CRACR2A: variants seen among roughly 807,000 people sequenced by gnomAD.
CRACR2A encodes calcium release activated channel regulator 2A.
Under a neutral mutation model 90.5 loss-of-function variants are expected in CRACR2A, and 79 were observed. That is an observed-to-expected ratio of 0.87 (90% CI 0.73 to 1.05). The LOEUF is 1.05. Ranked by LOEUF, CRACR2A falls within the 50% of genes least tolerant of loss-of-function variation. CRACR2A has a pLI of 0.00. For missense variants in CRACR2A, 823 were observed against 897.2 expected (o/e 0.92, Z 1.06); for synonymous variants, 338 against 356.7 (o/e 0.95, Z 0.59).
chr12:3,632,052 G>C (rs538864937), intron 15 of CRACR2A, among the ~76,000 whole-genome samples: 3 of 152,224 alleles, frequency 2.0e-5, no homozygotes, highest in African/African-American at 7.2e-5. Context: ...CTGGATCATG[G>C]GGGTGGATCC....
At chr12:3,689,895 G>A (rs1945624507) in intron 4 of CRACR2A, among the ~76,000 whole-genome samples, 1 of 151,886 alleles carries the variant, frequency 6.6e-6, no homozygotes, top group Admixed American at 6.6e-5. Flanking sequence ...TATATGTCCA[G>A]GAATTTATCA....
chr12:3,723,718 G>A (rs183888754), intron 2 of CRACR2A, among the ~76,000 whole-genome samples: 1 of 152,220 alleles, frequency 6.6e-6, no homozygotes, highest in Admixed American at 6.5e-5. Context: ...GTTCTTGTAG[G>A]CAGGAGGATG....
chr12:3,701,376 T>A (rs1239970019), intron 3 of CRACR2A, among the ~76,000 whole-genome samples: 2 of 151,520 alleles, frequency 1.3e-5, no homozygotes, highest in Admixed American at 1.3e-4. Flanking sequence ...AAAAATGAAA[T>A]AGAAAGCAGA....
chr12:3,642,777 C>T (rs1206588576), intron 12 of CRACR2A, among the ~76,000 whole-genome samples: 1 of 152,010 alleles, frequency 6.6e-6, no homozygotes, highest in Non-Finnish European at 1.5e-5. Context: ...GTTTACAACC[C>T]CCTTTGCCTA....
At position 3,648,569 on chromosome 12, in the gene CRACR2A, C is replaced by T; in HGVS notation, c.1091G>A (p.Gly364Glu). The T allele has an allele frequency of 6.2e-7, 1 of 1,614,166 alleles. No homozygotes were observed. The highest frequency in any genetic ancestry group is 1.1e-5 in the South Asian group (1 of 91,078). ...VTESLQREKA[G>E]LLKQLDFLRE... is the part of the protein sequence containing the mutation. Reference sequence around the variant, plus strand: ...TAGGAAATCCAGCTGCTTGAGGAGCCCGGCCTTCTCACGCTGTAGACTCTC... The same window carrying T: ...TAGGAAATCCAGCTGCTTGAGGAGCTCGGCCTTCTCACGCTGTAGACTCTC... The change falls in exon 11 of 20, where the codon GGG (glycine) becomes GAG (glutamate). Residue 364 changes from glycine to glutamate, a missense_variant. By Grantham distance (98) the Gly-to-Glu change is moderately conservative (BLOSUM62 -2). Coordinates refer to ENST00000440314, the MANE Select transcript of CRACR2A (RefSeq NM_001144958.2).
chr12:3,726,594 A>G (rs1946268737), intron 2 of CRACR2A: 1 of 152,126 alleles, frequency 6.6e-6, no homozygotes, highest in African/African-American at 2.4e-5. Context: ...GGAAGAAGGA[A>G]ATAACCTTCA....
intron 7 of CRACR2A, chr12:3,672,813 CT>C: frequency 9.1e-6 from 9 of 985,392 alleles, no homozygotes; most frequent in Non-Finnish European, 1.1e-5. Flanking sequence ...TCTAACAATG[CT>C]TGGTCCTGTC....
At chr12:3,707,132 C>T (rs1945938480) in intron 3 of CRACR2A, among the ~76,000 whole-genome samples, 2 of 152,114 alleles carry the variant, frequency 1.3e-5, no homozygotes. Context: ...CCCCACCAGC[C>T]ATATAAAGGG....
At position 3,628,125 on chromosome 12, in the gene CRACR2A, CCCTT is replaced by C. The variant is rs1274342303; in HGVS notation, c.1736-423_1736-420del. ...TCCCTCTCTCTTTCCCTCCCTCCCT[CCCTT>C]CCTTCACCCTTCCTCCCTCCCTCTC... On this transcript the variant is annotated intron_variant, in intron 15 of 19. Coordinates refer to ENST00000440314, the MANE Select transcript of CRACR2A (RefSeq NM_001144958.2). Among the ~76,000 whole-genome samples, 14 of 145,582 alleles carry C rather than the reference CCCTT, an allele frequency of 9.6e-5. No homozygotes were observed. In the South Asian group the frequency reaches 1.4e-3, roughly 15 times the overall value.
intron 3 of CRACR2A, among the ~76,000 whole-genome samples, chr12:3,697,787 T>C (rs904065631): frequency 6.6e-6 from 1 of 152,252 alleles, no homozygotes; most frequent in Non-Finnish European, 1.5e-5. Context: ...AGCTTCATGT[T>C]GTAGAGGACT....
chr12:3,653,132 G>A (rs578106004), intron 10 of CRACR2A, among the ~76,000 whole-genome samples: 175 of 152,230 alleles, frequency 1.1e-3, no homozygotes, highest in Non-Finnish European at 1.9e-3. Context: ...ACAGGCGTGC[G>A]CCATCATGCC....
In CRACR2A at chr12:3,678,924, A is replaced by G; in HGVS notation, c.515T>C (p.Val172Ala). The change falls in exon 6 of 20, where the codon GTG (valine) becomes GCG (alanine). Residue 172 changes from valine (V) to alanine (A), a missense_variant. By Grantham distance (64) the Val-to-Ala change is moderately conservative (BLOSUM62 0). Coordinates refer to ENST00000440314, the MANE Select transcript of CRACR2A (RefSeq NM_001144958.2). ...MLMDRLGAQKVLEDESDVKQL... is the reference protein window; with the variant it reads ...MLMDRLGAQKALEDESDVKQL... ...CACTGTCACCACTTACTCTTCCAAC[A>G]CCTTTTGGGCTCCAAGTCTGTCCAT... The G allele has an allele frequency of 6.2e-7, 1 of 1,606,628 alleles. No homozygotes were observed. The highest frequency in any genetic ancestry group is 1.1e-5 in the South Asian group (1 of 89,264).
chr12:3,648,926 C>T (rs2137428855), intron 10 of CRACR2A, among the ~76,000 whole-genome samples: 1 of 152,306 alleles, frequency 6.6e-6, no homozygotes, highest in Non-Finnish European at 1.5e-5. Flanking sequence ...CATTCCACAG[C>T]CACTTCACAT....
At chr12:3,664,956 A>C (rs939877007) in intron 7 of CRACR2A, among the ~76,000 whole-genome samples, 1 of 152,214 alleles carries the variant, frequency 6.6e-6, no homozygotes, top group Non-Finnish European at 1.5e-5. Flanking sequence ...GCAGTGCGCC[A>C]AGATCAGGCC....
intron 14 of CRACR2A, among the ~76,000 whole-genome samples, chr12:3,634,385 G>C (rs1162602588): frequency 3.3e-5 from 5 of 152,190 alleles, no homozygotes; most frequent in Non-Finnish European, 7.3e-5. Context: ...CACTTAGGAA[G>C]CTGGGAAATG....
At chr12:3,641,132 G>T (rs2159350) in intron 13 of CRACR2A, among the ~76,000 whole-genome samples, 132,615 of 152,068 alleles carry the variant, frequency 0.87, 58,045 homozygotes, top group East Asian at 1. Flanking sequence ...GATCACGAGG[G>T]CAGGAGTTCA....
At chr12:3,650,790 T>A (rs1458129642) in intron 10 of CRACR2A, among the ~76,000 whole-genome samples, 3 of 152,236 alleles carry the variant, frequency 2.0e-5, no homozygotes, top group Non-Finnish European at 4.4e-5. Context: ...CTTCTCTGGC[T>A]CTGCATACAC....
At chr12:3,649,329 A>G (rs184383810) in intron 10 of CRACR2A, among the ~76,000 whole-genome samples, 124 of 152,334 alleles carry the variant, frequency 8.1e-4, no homozygotes, top group African/African-American at 2.8e-3. Context: ...AATTCAAATC[A>G]ATATTCTTCT....
At chr12:3,626,833 A>G (rs1944271942) in intron 17 of CRACR2A, among the ~76,000 whole-genome samples, 1 of 152,244 alleles carries the variant, frequency 6.6e-6, no homozygotes, top group African/African-American at 2.4e-5. Flanking sequence ...CTCCCAGATA[A>G]TTCAGAATGC....
Sources: allele counts gnomAD v4.1 joint callset (sites outside exome capture counted in the v4.1 genomes callset), GRCh38; gene constraint gnomAD v4.1.1; transcripts MANE v1.5; gene names NCBI Gene and HGNC (gene_info 2026-07-23, HGNC 2026-07-21).